MYO1F: variants seen among roughly 807,000 people sequenced by gnomAD.
MYO1F encodes unconventional myosin-If.
Under a neutral mutation model 146.6 loss-of-function variants are expected in MYO1F, and 60 were observed. The ratio of observed to expected loss-of-function variants is 0.41; its 90% CI spans 0.33 to 0.51. The LOEUF is 0.51. Among genes scored for constraint, MYO1F ranks in the 20% least tolerant of loss-of-function variants. The probability of loss-of-function intolerance (pLI) is 0.25; values close to 1 mark genes in which losing one functional copy is unlikely to be tolerated. For missense variants in MYO1F, 1,274 were observed against 1,534.3 expected (o/e 0.83, Z 2.83); for synonymous variants, 602 against 602.1 (o/e 1.00, Z 0.00).
rs1339122854 is a variant in MYO1F at position 8,543,996 on chromosome 19, CTGGTGG to C, written c.1524+295_1524+300del. The C allele has an allele frequency of 1.1e-3, 159 of 138,588 alleles. 2 individuals are homozygous for C. Among genetic ancestry groups the C allele is most frequent in the Middle Eastern group, 5.5e-3 (3 of 542 alleles). The allele number at this position is 138,588 out of a possible 1,614,324, so 8.6% of individuals were successfully genotyped here. On this transcript the variant is annotated intron_variant, in intron 14 of 27. Transcript: ENST00000644032. The stretch of plus-strand genomic sequence containing the variant: ...GCTGGTGCTGGTGCTGGTGGTGGTG[CTGGTGG>C]TGGCGGTGGCGGTGGCGGTGGCGGT...
chr19:8,565,359 G>A (rs1328882068), intron 1 of MYO1F, among the ~76,000 whole-genome samples: 2 of 151,480 alleles, frequency 1.3e-5, no homozygotes, highest in South Asian at 2.1e-4. Flanking sequence ...CCTGACCAAC[G>A]TGGGGAAACC....
chr19:8,525,691 AG>A, intron 24 of MYO1F, 129 bp from the exon 25 acceptor site: 2 of 783,460 alleles, frequency 2.6e-6, no homozygotes, highest in South Asian at 2.9e-5. Context: ...ACCGCCCCTT[AG>A]GTACAGTTAC....
At chr19:8,529,845 T>C (rs1972408224) in intron 21 of MYO1F, 1 of 458,110 alleles carries the variant, frequency 2.2e-6, no homozygotes, top group African/African-American at 2.0e-5. Flanking sequence ...ATGATGTACC[T>C]GTGATGGAAC....
intron 16 of MYO1F, among the ~76,000 whole-genome samples, chr19:8,539,274 C>T (rs1972856836): frequency 6.6e-6 from 1 of 152,018 alleles, no homozygotes; most frequent in Non-Finnish European, 1.5e-5. Flanking sequence ...ATTAGCCGGG[C>T]ATGGTGGTGC....
chr19:8,540,081 A>C, intron 15 of MYO1F, 53 bp from the exon 16 acceptor site: 1 of 1,470,028 alleles, frequency 6.8e-7, no homozygotes, highest in South Asian at 1.2e-5. Flanking sequence ...ACTTTCGGGT[A>C]CTCTTCCTCC....
chr19:8,533,321 G>T (rs1054619112), intron 19 of MYO1F, among the ~76,000 whole-genome samples: 1 of 150,054 alleles, frequency 6.7e-6, no homozygotes, highest in Non-Finnish European at 1.5e-5. Context: ...GAGCCAGCGT[G>T]CCCAGCCTCA....
chr19:8,572,424 C>A (rs1232778029), intron 1 of MYO1F, among the ~76,000 whole-genome samples: 1 of 152,162 alleles, frequency 6.6e-6, no homozygotes, highest in South Asian at 2.1e-4. Flanking sequence ...CATGCCACCC[C>A]GCTTGGCTAA....
At chr19:8,551,924 C>A in intron 7 of MYO1F, 50 bp from the exon 8 acceptor site, 3 of 1,614,002 alleles carry the variant, frequency 1.9e-6, no homozygotes, top group Non-Finnish European at 2.5e-6. Flanking sequence ...GGCTCAGCCC[C>A]TGTGATCCCT....
intron 15 of MYO1F, among the ~76,000 whole-genome samples, chr19:8,541,436 T>G (rs1170831004): frequency 2.0e-5 from 3 of 147,468 alleles, no homozygotes; most frequent in Non-Finnish European, 4.5e-5. Flanking sequence ...TTTTTTTTTT[T>G]TTTTTTTTTT....
intron 25 of MYO1F, among the ~76,000 whole-genome samples, chr19:8,523,804 A>G (rs1466480163): frequency 6.6e-6 from 1 of 152,080 alleles, no homozygotes; most frequent in Non-Finnish European, 1.5e-5. Context: ...ATAGGCACAC[A>G]CCACCATGCC....
chr19:8,574,597 CTTTCTTTCTTTCTTTCTTTCTTTCTT>C (rs1183385376), intron 1 of MYO1F, among the ~76,000 whole-genome samples: 2,307 of 64,450 alleles, frequency 0.036, 34 homozygotes, highest in Middle Eastern at 0.045. Flanking sequence ...CTCTCTCTCT[CTTTCTTTCTTTCTTTCTTTCTTTCTT>C]TCTTTCTTTC....
chr19:8,577,425 G>C lies in MYO1F; in HGVS notation c.-116C>G. ...ATGGCCCTGCTTCTGCCCGTTCACCGGACTCCCGGCTTTAGTTCCTCTTAC... is the reference window on the plus strand; with the variant it reads ...ATGGCCCTGCTTCTGCCCGTTCACCCGACTCCCGGCTTTAGTTCCTCTTAC... On this transcript the variant is annotated 5_prime_UTR_variant, in exon 1 of 28. Coordinates refer to ENST00000644032, the MANE Select transcript of MYO1F (RefSeq NM_012335.4). The surrounding 1 kb of genome is among the most constrained non-coding windows in gnomAD (Gnocchi z 4.3). 1 of 1,204,074 alleles carries C rather than the reference G, an allele frequency of 8.3e-7. No individual in the cohort carries two copies. Among genetic ancestry groups the C allele is most frequent in the Non-Finnish European group, 1.2e-6 (1 of 819,922 alleles). 74.6% of individuals were successfully genotyped at this position (1,204,074 alleles called of 1,614,324 possible).
chr19:8,532,734 A>G (rs906134774), intron 19 of MYO1F, among the ~76,000 whole-genome samples: 104 of 151,912 alleles, frequency 6.8e-4, no homozygotes, highest in African/African-American at 2.5e-3. Context: ...AAAACTAAGC[A>G]AAAATTAGCT....
intron 19 of MYO1F, among the ~76,000 whole-genome samples, chr19:8,534,538 C>T (rs963603206): frequency 3.3e-5 from 5 of 152,032 alleles, no homozygotes; most frequent in African/African-American, 1.2e-4. Context: ...AACTCCTAAC[C>T]TCAAGTGATC....
chr19:8,526,611 G>A lies in MYO1F; in HGVS notation c.2622-10C>T. 6.3e-7 allele frequency: 1 copy of A among 1,589,540 alleles called. No homozygotes were observed. Among genetic ancestry groups the A allele is most frequent in the Non-Finnish European group, 8.5e-7 (1 of 1,170,134 alleles). ...CACCCGAAACTGTAGTCTATGGGGA[G>A]AGAAGAAAGCTTGGGGGCGCTGGCT... On this transcript the variant is annotated splice_polypyrimidine_tract_variant and intron_variant, in intron 23 of 27. Transcript: ENST00000644032.
At chr19:8,537,488 CT>C (rs1972778615) in intron 16 of MYO1F, among the ~76,000 whole-genome samples, 2 of 152,158 alleles carry the variant, frequency 1.3e-5, no homozygotes. Flanking sequence ...GTCACCCAGG[CT>C]GGAGCGCAAT....
intron 24 of MYO1F, among the ~76,000 whole-genome samples, chr19:8,526,132 G>A (rs527342590): frequency 1.3e-5 from 2 of 152,092 alleles, no homozygotes; most frequent in African/African-American, 4.8e-5. Context: ...TTCAAGACCA[G>A]CCTGGCCAAG....
intron 8 of MYO1F, among the ~76,000 whole-genome samples, chr19:8,551,061 A>AT (rs374569323): frequency 1.1e-3 from 138 of 126,138 alleles, no homozygotes; most frequent in Middle Eastern, 4.5e-3. Context: ...TTGGTTTCCT[A>AT]TTTTTTTTTT....
intron 1 of MYO1F, among the ~76,000 whole-genome samples, chr19:8,565,576 A>G (rs892319557): frequency 6.6e-6 from 1 of 151,952 alleles, no homozygotes; most frequent in African/African-American, 2.4e-5. Flanking sequence ...TAAAAAATAA[A>G]TAATTGTGGG....
Sources: gnomAD v4.1 joint callset for allele counts (sites outside exome capture counted in the v4.1 genomes callset) on GRCh38, gnomAD v4.1.1 for gene constraint, Gnocchi (gnomAD v3.1) non-coding constraint, MANE v1.5 for transcripts, NCBI Gene and HGNC (gene_info 2026-07-23, HGNC 2026-07-21) for gene names.